NDST1: variants seen among roughly 807,000 people sequenced by gnomAD.
NDST1 encodes the protein N-deacetylase and N-sulfotransferase 1.
A neutral mutation model predicts 92.8 loss-of-function variants in NDST1; 35 were observed. That is an observed-to-expected ratio of 0.38 (90% confidence interval 0.29 to 0.50). NDST1 has a LOEUF of 0.50. NDST1 is among the 20% of genes least tolerant of loss of function. The pLI, the probability that NDST1 is intolerant of heterozygous loss-of-function variation, is 0.94. For missense variants in NDST1, 822 were observed against 1,182.7 expected, an observed-to-expected ratio of 0.69 and a Z score of 4.47; for synonymous variants, 493 against 500.3, an observed-to-expected ratio of 0.99 and a Z score of 0.19.
intron 6 of NDST1, 138 bp from the exon 7 acceptor site, chr5:150,539,090 C>A: frequency 1.4e-6 from 1 of 718,320 alleles, no homozygotes; most frequent in Non-Finnish European, 2.4e-6. Context: ...GTAGGCTGCA[C>A]CCAAGGGTAG....
chr5:150,535,429 G>C (rs1754939849), intron 5 of NDST1: 6 of 976,828 alleles, frequency 6.1e-6, no homozygotes, highest in Non-Finnish European at 7.3e-6. Flanking sequence ...TCACTACAGG[G>C]TACTTGAGTC....
At chr5:150,539,499 C>A in intron 7 of NDST1, 143 bp downstream of exon 7, 1 of 1,564,266 alleles carries the variant, frequency 6.4e-7, no homozygotes, top group Non-Finnish European at 8.6e-7. Flanking sequence ...CTCTCCAGCA[C>A]TGGCCCTGCC....
intron 1 of NDST1, among the ~76,000 whole-genome samples, chr5:150,515,095 C>T (rs889833313): frequency 5.3e-5 from 8 of 152,230 alleles, no homozygotes; most frequent in African/African-American, 1.9e-4. Context: ...TTACTCTGCA[C>T]AGACCACATG....
Position 150,520,853 on chromosome 5 carries a change from C to G in NDST1, c.-387-15C>G. 1 of 431,760 alleles carries G rather than the reference C, an allele frequency of 2.3e-6. No individual in the cohort carries two copies. The allele number at this position is 431,760 out of a possible 1,614,324, so 26.7% of individuals were successfully genotyped here. A position where few individuals can be genotyped will look rare whatever the true frequency, so the allele number is the denominator to read the frequency against. ...GCCCGCACTCTGACGCTCCTGTTCT[C>G]TCCACTCTCCACAGCCTTAGCCCCG... On this transcript the variant is annotated splice_polypyrimidine_tract_variant and intron_variant, in intron 1 of 14. Coordinates refer to ENST00000261797, the MANE Select transcript of NDST1 (RefSeq NM_001543.5).
chr5:150,544,403 C>T (rs769194121), intron 10 of NDST1, among the ~76,000 whole-genome samples: 11 of 152,178 alleles, frequency 7.2e-5, no homozygotes, highest in Non-Finnish European at 1.3e-4. Context: ...GGATTGTGGA[C>T]ATGCAAAGAA....
rs537382922 is a variant in NDST1 at position 150,526,175 on chromosome 5, T to A, written c.514-1629T>A. ...CTTTAAATGTTAGCTCAAAAGTCCC[T>A]TTCTCCAGGAGACCTCCTGAGCCCA... is the stretch of plus-strand genomic sequence containing the variant. On this transcript the variant is annotated intron_variant, in intron 2 of 14. Transcript: ENST00000261797. Among the ~76,000 whole-genome samples, 3 of 152,358 alleles carry A rather than the reference T, an allele frequency of 2.0e-5. No individual in the cohort carries two copies. In the South Asian group the frequency reaches 6.2e-4, roughly 32 times the overall value.
At position 150,542,943 on chromosome 5, in the gene NDST1, G is replaced by A; in HGVS notation, c.1942G>A (p.Gly648Ser). 6.2e-7 allele frequency: 1 copy of A among 1,614,128 alleles called. No homozygotes were observed. Among genetic ancestry groups the A allele is most frequent in the Non-Finnish European group, 8.5e-7 (1 of 1,179,984 alleles). The change falls in exon 10 of 15, where the codon GGC (glycine) becomes AGC (serine). Residue 648 changes from glycine (G) to serine (S), a missense_variant. Coordinates refer to ENST00000261797, the MANE Select transcript of NDST1 (RefSeq NM_001543.5). ...ETFEEIQFFN[G>S]HNYHKGIDWY... ...CTTTGAGGAGATCCAGTTTTTTAAT[G>A]GCCACAACTATCACAAAGGCATCGA...
chr5:150,512,595 G>A (rs562728245), intron 1 of NDST1, among the ~76,000 whole-genome samples: 54 of 152,346 alleles, frequency 3.5e-4, no homozygotes, highest in African/African-American at 1.2e-3. Flanking sequence ...CTTCCCTCTG[G>A]CGTCAGCCTG....
chr5:150,542,796 T>C, intron 9 of NDST1, 52 bp from the exon 10 acceptor site: 6 of 1,613,130 alleles, frequency 3.7e-6, no homozygotes, highest in South Asian at 1.1e-5. Flanking sequence ...CCAGACTCTA[T>C]CTTTTGGCTG....
In NDST1 at chr5:150,521,345, G is replaced by A. The variant is rs373412859; in HGVS notation, c.91G>A (p.Val31Ile). 8.1e-6 allele frequency: 13 copies of A among 1,613,354 alleles called. No homozygotes were observed. The East Asian group carries it at 2.0e-4, about 25-fold the overall frequency. The change falls in exon 2 of 15, where the codon GTT (valine) becomes ATT (isoleucine). Residue 31 changes from valine to isoleucine, a missense_variant. Transcript: ENST00000261797. The surrounding 1 kb of genome is among the most constrained non-coding windows in gnomAD (Gnocchi z 5.9). ...FLLFIFCLFS[V>I]FISAYYLYGW... ...GCTGTTCATCTTCTGCCTGTTCAGC[G>A]TTTTCATCTCGGCCTACTACCTATA...
At chr5:150,541,750 C>T in intron 9 of NDST1, 84 bp downstream of exon 9, 1 of 1,267,300 alleles carries the variant, frequency 7.9e-7, no homozygotes, top group Non-Finnish European at 1.1e-6. Context: ...TGCCCTGGCC[C>T]CACTCCCGGA....
chr5:150,548,964 C>T (rs997448355), intron 12 of NDST1, among the ~76,000 whole-genome samples: 3 of 152,156 alleles, frequency 2.0e-5, no homozygotes, highest in African/African-American at 7.2e-5. Context: ...AGCAAGGAGA[C>T]TGGGCGTGGT....
chr5:150,535,410 C>T (rs1754938792), intron 5 of NDST1: 2 of 984,384 alleles, frequency 2.0e-6, no homozygotes, highest in African/African-American at 1.7e-5. Flanking sequence ...AGGCCCTCGT[C>T]CTTGTCCCTC....
intron 12 of NDST1, 84 bp downstream of exon 12, chr5:150,548,472 C>T: frequency 6.8e-7 from 1 of 1,477,354 alleles, no homozygotes; most frequent in Non-Finnish European, 9.2e-7. Flanking sequence ...TCTTTCTCAC[C>T]AGCCGTGGGG....
At chr5:150,535,463 C>T (rs1340988502) in intron 5 of NDST1, 35 of 908,186 alleles carry the variant, frequency 3.9e-5, no homozygotes, top group East Asian at 1.2e-4. Context: ...GCATGTGCAC[C>T]GGACCAAGAG....
rs1755582836 is a variant in NDST1 at position 150,548,405 on chromosome 5, AC to A, written c.2316+20del. ...GCCAACCAGGTAGCTGCTGTCCCTG[AC>A]CCTTGTGAGGGCAGTCACAGTACTG... On this transcript the variant is annotated intron_variant, in intron 12 of 14. Transcript: ENST00000261797. The A allele has an allele frequency of 6.2e-7, 1 of 1,606,876 alleles. No individual in the cohort carries two copies. Among genetic ancestry groups the A allele is most frequent in the African/African-American group, 1.3e-5 (1 of 74,838 alleles).
chr5:150,551,284 G>A (rs1755713609), intron 13 of NDST1, among the ~76,000 whole-genome samples: 1 of 152,134 alleles, frequency 6.6e-6, no homozygotes, highest in African/African-American at 2.4e-5. Flanking sequence ...AAGTGCAGCT[G>A]TGGATACTGC....
Position 150,540,181 on chromosome 5 carries a change from C to G in NDST1, c.1666C>G (p.Leu556Val), listed in dbSNP as rs1467412171. Reference protein sequence around the residue: ...LVRFLHSWTNLRLQTLPPVQL... With the variant: ...LVRFLHSWTNVRLQTLPPVQL... ...GCGCTTCCTGCACTCCTGGACGAAC[C>G]TCCGGCTGCAGACACTGCCCCCTGT... The change falls in exon 8 of 15, where the codon CTC (leucine) becomes GTC (valine). Residue 556 changes from leucine (L) to valine (V), a missense_variant. Leu to Val is a conservative substitution (Grantham distance 32). Transcript: ENST00000261797. 7 of 1,614,124 alleles carry G rather than the reference C, an allele frequency of 4.3e-6. No homozygotes were observed. The highest frequency in any genetic ancestry group is 5.9e-6 in the Non-Finnish European group (7 of 1,180,046).
chr5:150,519,924 AGGCTGGAACCCAGAGTTAT>A (rs1754164383), intron 1 of NDST1, among the ~76,000 whole-genome samples: 2 of 151,414 alleles, frequency 1.3e-5, no homozygotes, highest in African/African-American at 4.9e-5. Context: ...GCTGAGGGGG[AGGCTGGAACCCAGAGTTAT>A]GGCTGCCTGG....
Sources: gnomAD v4.1 joint callset for allele counts (sites outside exome capture counted in the v4.1 genomes callset) on GRCh38, gnomAD v4.1.1 for gene constraint, Gnocchi (gnomAD v3.1) non-coding constraint, MANE v1.5 for transcripts, NCBI Gene and HGNC (gene_info 2026-07-23, HGNC 2026-07-21) for gene names.